SPTLC3: variants seen among roughly 807,000 people sequenced by gnomAD.
SPTLC3 encodes the protein serine palmitoyltransferase 3.
Under a neutral mutation model 59.3 loss-of-function variants are expected in SPTLC3, and 36 were observed. That is an observed-to-expected ratio of 0.61 (90% confidence interval 0.47 to 0.80). The LOEUF (loss-of-function observed/expected upper bound fraction) is 0.80. Among genes scored for constraint, SPTLC3 ranks in the 30% least tolerant of loss-of-function variants. The probability of loss-of-function intolerance (pLI) is 0.00; values close to 1 mark genes in which losing one functional copy is unlikely to be tolerated. For synonymous variants in SPTLC3, 257 were observed against 240.8 expected, an observed-to-expected ratio of 1.07 and a Z score of -0.62; for missense variants, 625 against 685.1, an observed-to-expected ratio of 0.91 and a Z score of 0.98.
At chr20:13,151,244 T>A (rs2038639361) in intron 9 of SPTLC3, among the ~76,000 whole-genome samples, 1 of 152,204 alleles carries the variant, frequency 6.6e-6, no homozygotes, top group African/African-American at 2.4e-5. Flanking sequence ...TTTACTACCA[T>A]CCTCTCTAAA....
intron 1 of SPTLC3, among the ~76,000 whole-genome samples, chr20:13,011,194 G>T (rs1184240566): frequency 1.3e-5 from 2 of 152,126 alleles, no homozygotes; most frequent in Non-Finnish European, 1.5e-5. Context: ...AGGGCTTATT[G>T]TCCCCTCCAT....
At chr20:13,031,408 T>C (rs927483605) in intron 1 of SPTLC3, among the ~76,000 whole-genome samples, 2 of 152,174 alleles carry the variant, frequency 1.3e-5, no homozygotes, top group Admixed American at 1.3e-4. Context: ...CCTCTGTCCC[T>C]CTTGCTCACA....
intron 4 of SPTLC3, among the ~76,000 whole-genome samples, chr20:13,085,774 T>G (rs1366555245): frequency 6.6e-6 from 1 of 152,174 alleles, no homozygotes; most frequent in African/African-American, 2.4e-5. Flanking sequence ...AGAATATTGG[T>G]ACTTTATCTT....
At chr20:13,056,517 G>C (rs989852892) in intron 2 of SPTLC3, among the ~76,000 whole-genome samples, 1 of 143,864 alleles carries the variant, frequency 7.0e-6, no homozygotes, top group Non-Finnish European at 1.5e-5. Context: ...ATGCAATCTC[G>C]GCTCACTGCA....
intron 2 of SPTLC3, among the ~76,000 whole-genome samples, chr20:13,065,705 TTC>T: frequency 8.1e-6 from 1 of 123,846 alleles, no homozygotes; most frequent in Admixed American, 8.1e-5. Flanking sequence ...TTTTAAATAC[TTC>T]TCCTTTTATA....
intron 1 of SPTLC3, among the ~76,000 whole-genome samples, chr20:13,010,153 C>T (rs1483105307): frequency 6.6e-6 from 1 of 151,790 alleles, no homozygotes; most frequent in Non-Finnish European, 1.5e-5. Flanking sequence ...TCTGTGAGGT[C>T]CTTATGTAAG....
chr20:13,054,973 T>G (rs1987658813), intron 2 of SPTLC3, among the ~76,000 whole-genome samples: 1 of 152,072 alleles, frequency 6.6e-6, no homozygotes, highest in Admixed American at 6.6e-5. Context: ...GAAAAAAAGT[T>G]AACAGTAGTT....
At chr20:13,134,044 G>C (rs1250001033) in intron 9 of SPTLC3, among the ~76,000 whole-genome samples, 1 of 152,176 alleles carries the variant, frequency 6.6e-6, no homozygotes, top group Non-Finnish European at 1.5e-5. Context: ...ACACATTCAG[G>C]TGTGTCTGCC....
chr20:13,100,909 A>G (rs1989577980), intron 6 of SPTLC3, among the ~76,000 whole-genome samples: 1 of 152,186 alleles, frequency 6.6e-6, no homozygotes, highest in Admixed American at 6.5e-5. Context: ...CCAGCAGCAG[A>G]CCTTGAGACA....
At position 13,091,414 on chromosome 20, in the gene SPTLC3, A is replaced by G. The variant is rs536929584; in HGVS notation, c.732+207A>G. On this transcript the variant is annotated intron_variant, in intron 5 of 11. Transcript: ENST00000399002. ...ATAGTGAAACCCCGTCTCTACTAAA[A>G]ATAAAAAAGTTACCTGGGCATGGTG... is the stretch of plus-strand genomic sequence containing the variant. Among the ~76,000 whole-genome samples the G allele has an allele frequency of 3.9e-5, 6 of 152,124 alleles. No individual in the cohort carries two copies. In the South Asian group the frequency reaches 1.2e-3, roughly 32 times the overall value.
chr20:13,033,865 A>C (rs907903417), intron 1 of SPTLC3, among the ~76,000 whole-genome samples: 1 of 152,118 alleles, frequency 6.6e-6, no homozygotes, highest in Non-Finnish European at 1.5e-5. Flanking sequence ...CTTTTTAGGA[A>C]GTGAAGCCAG....
At chr20:13,025,733 A>T (rs1449077722) in intron 1 of SPTLC3, among the ~76,000 whole-genome samples, 7 of 152,114 alleles carry the variant, frequency 4.6e-5, no homozygotes, top group African/African-American at 9.7e-5. Context: ...ACCTTTTTTT[A>T]AAACTTCTAT....
At chr20:13,151,177 C>G (rs556075925) in intron 9 of SPTLC3, among the ~76,000 whole-genome samples, 19 of 152,364 alleles carry the variant, frequency 1.2e-4, no homozygotes, top group African/African-American at 4.6e-4. Context: ...CTCACAGATT[C>G]TGCTAATAAG....
chr20:13,059,900 C>T (rs1194656710), intron 2 of SPTLC3, among the ~76,000 whole-genome samples: 2 of 152,082 alleles, frequency 1.3e-5, no homozygotes, highest in South Asian at 2.1e-4. Context: ...GCTGACTGGT[C>T]GCCCTTCAAA....
chr20:13,113,836 G>C (rs1398160713), intron 7 of SPTLC3, among the ~76,000 whole-genome samples: 1 of 152,200 alleles, frequency 6.6e-6, no homozygotes, highest in Non-Finnish European at 1.5e-5. Context: ...ATGTTGCAAG[G>C]CTGTTTGCTC....
intron 1 of SPTLC3, among the ~76,000 whole-genome samples, chr20:13,028,993 G>A (rs6041776): frequency 4.6e-5 from 7 of 152,298 alleles, no homozygotes; most frequent in Admixed American, 1.3e-4. Flanking sequence ...CCCTTTGCCT[G>A]TAACACTGTA....
chr20:13,027,498 C>G (rs1459250859), intron 1 of SPTLC3, among the ~76,000 whole-genome samples: 1 of 152,128 alleles, frequency 6.6e-6, no homozygotes, highest in African/African-American at 2.4e-5. Context: ...ACTCTACATT[C>G]AGGAATGCCT....
chr20:13,092,112 G>A (rs908134448), intron 5 of SPTLC3, among the ~76,000 whole-genome samples: 4 of 152,196 alleles, frequency 2.6e-5, no homozygotes, highest in African/African-American at 9.7e-5. Context: ...TGCAAAAGTG[G>A]TGAGAGGAGA....
At chr20:13,152,632 A>G (rs1001744188) in intron 9 of SPTLC3, among the ~76,000 whole-genome samples, 1 of 152,170 alleles carries the variant, frequency 6.6e-6, no homozygotes, top group South Asian at 2.1e-4. Flanking sequence ...TAAAAGAAAG[A>G]CTCAAATAGT....
Sources: gnomAD v4.1 joint callset for allele counts (sites outside exome capture counted in the v4.1 genomes callset) on GRCh38, gnomAD v4.1.1 for gene constraint, MANE v1.5 for transcripts, NCBI Gene and HGNC (gene_info 2026-07-23, HGNC 2026-07-21) for gene names.